DPP6: variants seen among roughly 807,000 people sequenced by gnomAD.
The protein encoded by DPP6 is A-type potassium channel modulatory protein DPP6.
In DPP6, 69 loss-of-function variants were observed where a neutral mutation model predicts 122.6. That is an observed-to-expected ratio of 0.56 (90% CI 0.46 to 0.69). DPP6 has a LOEUF of 0.69. Among genes scored for constraint, DPP6 ranks in the 30% least tolerant of loss-of-function variants. The pLI, the probability that DPP6 is intolerant of heterozygous loss-of-function variation, is 0.00. For missense variants in DPP6, 928 were observed against 1,116.9 expected (o/e 0.83, Z 2.41); for synonymous variants, 418 against 433.1 (o/e 0.97, Z 0.43).
intron 5 of DPP6, among the ~76,000 whole-genome samples, chr7:154,591,830 C>T (rs1028773225): frequency 3.3e-5 from 5 of 152,136 alleles, no homozygotes; most frequent in African/African-American, 4.8e-5. Context: ...CATGAGCCTG[C>T]GAATAGAATT....
the DPP6 span, among the ~76,000 whole-genome samples, chr7:153,817,758 G>T: frequency 8.6e-6 from 1 of 115,850 alleles, no homozygotes; most frequent in African/African-American, 3.3e-5. Context: ...ACACACCAGG[G>T]CCTGTCGTGG....
chr7:154,379,712 A>G (rs1035335247), intron 1 of DPP6, among the ~76,000 whole-genome samples: 8 of 152,218 alleles, frequency 5.3e-5, no homozygotes, highest in Non-Finnish European at 1.2e-4. Flanking sequence ...ATTATTGGGG[A>G]TAAGATATCC....
At chr7:154,759,540 C>T (rs1795393471) in intron 8 of DPP6, among the ~76,000 whole-genome samples, 1 of 152,224 alleles carries the variant, frequency 6.6e-6, no homozygotes, top group Non-Finnish European at 1.5e-5. Flanking sequence ...CTTCCCTCTC[C>T]CTGAGCCTTA....
chr7:154,749,675 TGA>T (rs541724347), intron 8 of DPP6, among the ~76,000 whole-genome samples: 48 of 64,286 alleles, frequency 7.5e-4, no homozygotes, highest in Middle Eastern at 0.022. Context: ...TGAGAGAGGA[TGA>T]GAGAGCATAG....
At chr7:154,114,062 T>C (rs924541454) in intron 1 of DPP6, among the ~76,000 whole-genome samples, 6 of 151,834 alleles carry the variant, frequency 4.0e-5, no homozygotes, top group Non-Finnish European at 7.4e-5. Context: ...ATCTTATGTG[T>C]AGACAACCCA....
At chr7:154,719,436 C>T (rs12537249) in intron 7 of DPP6, among the ~76,000 whole-genome samples, 4,199 of 152,170 alleles carry the variant, frequency 0.028, 109 homozygotes, top group African/African-American at 0.067. Context: ...ACATGTGGAC[C>T]CTGCTCTCAT....
chr7:153,782,257 G>A, the DPP6 span, among the ~76,000 whole-genome samples: 71 of 152,050 alleles, frequency 4.7e-4, no homozygotes, highest in African/African-American at 1.7e-3. Flanking sequence ...TTATGGTTTA[G>A]GCATAGCCCA....
At chr7:153,864,480 C>A in the DPP6 span, among the ~76,000 whole-genome samples, 1 of 152,004 alleles carries the variant, frequency 6.6e-6, no homozygotes, top group African/African-American at 2.4e-5. Context: ...CATGGCAAAA[C>A]CCCGTCTCTA....
intron 4 of DPP6, among the ~76,000 whole-genome samples, chr7:154,563,048 A>G (rs763272331): frequency 8.5e-5 from 13 of 152,218 alleles, no homozygotes; most frequent in Non-Finnish European, 1.8e-4. Context: ...TTAGACCTAG[A>G]GAAACAAATC....
At chr7:154,776,199 T>TGATAGATAGATAGATAGATA (rs5888595) in intron 10 of DPP6, among the ~76,000 whole-genome samples, 5,027 of 148,508 alleles carry the variant, frequency 0.034, 109 homozygotes, top group African/African-American at 0.042. Flanking sequence ...CCATGATAGA[T>TGATAGATAGATAGATAGATA]GATAGATAGA....
intron 1 of DPP6, among the ~76,000 whole-genome samples, chr7:154,033,586 C>A (rs951745395): frequency 6.6e-6 from 1 of 152,240 alleles, no homozygotes; most frequent in South Asian, 2.1e-4. Context: ...TTTACATCCT[C>A]CTCATGAAGA....
At chr7:154,298,623 TC>T (rs1464225190) in intron 1 of DPP6, among the ~76,000 whole-genome samples, 1 of 152,144 alleles carries the variant, frequency 6.6e-6, no homozygotes, top group Non-Finnish European at 1.5e-5. Flanking sequence ...AATCATTGCA[TC>T]CTTTACTCTA....
chr7:153,782,717 T>C, the DPP6 span, among the ~76,000 whole-genome samples: 1 of 152,166 alleles, frequency 6.6e-6, no homozygotes, highest in Non-Finnish European at 1.5e-5. Context: ...TGTATAAAAA[T>C]GGAGCTGTTT....
chr7:154,086,817 C>G (rs1457107982), intron 1 of DPP6, among the ~76,000 whole-genome samples: 1 of 152,216 alleles, frequency 6.6e-6, no homozygotes, highest in African/African-American at 2.4e-5. Context: ...CAGGGTTTCA[C>G]CATGTTGGCC....
rs116209049 is a variant in DPP6 at position 154,817,496 on chromosome 7, A to G, written c.1666+10384A>G. Reference sequence around the variant, plus strand: ...ATATGAGCAACTTCAAGAGTAATTGATGAATGATGTCATGAGGGTCATGAG... The same window carrying G: ...ATATGAGCAACTTCAAGAGTAATTGGTGAATGATGTCATGAGGGTCATGAG... On this transcript the variant is annotated intron_variant, in intron 16 of 25. Coordinates refer to ENST00000377770, the MANE Select transcript of DPP6 (RefSeq NM_130797.4). Among the ~76,000 whole-genome samples, 825 of 152,278 alleles carry G rather than the reference A, an allele frequency of 5.4e-3. 9 individuals are homozygous for G. The highest frequency in any genetic ancestry group is 0.019 in the African/African-American group (782 of 41,548).
intron 2 of DPP6, among the ~76,000 whole-genome samples, chr7:154,471,569 G>T (rs985215970): frequency 3.9e-5 from 6 of 152,012 alleles, no homozygotes; most frequent in Admixed American, 3.9e-4. Flanking sequence ...TGACCACCAA[G>T]ACTTAGTTTA....
chr7:154,492,867 A>T (rs927238522), intron 3 of DPP6, among the ~76,000 whole-genome samples: 8 of 152,138 alleles, frequency 5.3e-5, no homozygotes, highest in Admixed American at 5.2e-4. Flanking sequence ...TGTTCTGAAG[A>T]TCAGCAGTAA....
intron 5 of DPP6, among the ~76,000 whole-genome samples, chr7:154,571,824 C>T (rs1323345277): frequency 2.0e-5 from 3 of 152,140 alleles, no homozygotes; most frequent in Admixed American, 2.0e-4. Flanking sequence ...AGTTACTTGC[C>T]ACTGCATAGC....
intron 2 of DPP6, among the ~76,000 whole-genome samples, chr7:154,449,775 A>C (rs2151295514): frequency 6.6e-6 from 1 of 152,184 alleles, no homozygotes; most frequent in East Asian, 1.9e-4. Context: ...TGGGAGGCCA[A>C]GGAGGGTGGA....
Sources: allele counts gnomAD v4.1 joint callset (sites outside exome capture counted in the v4.1 genomes callset), GRCh38; gene constraint gnomAD v4.1.1; transcripts MANE v1.5; gene names NCBI Gene and HGNC (gene_info 2026-07-23, HGNC 2026-07-21).